MYO16: variants seen among roughly 807,000 people sequenced by gnomAD.
MYO16 encodes the protein unconventional myosin-XVI.
A neutral mutation model predicts 205.3 loss-of-function variants in MYO16; 94 were observed. The ratio of observed to expected loss-of-function variants is 0.46; its 90% CI spans 0.39 to 0.54. MYO16 has a LOEUF of 0.54. Ranked by LOEUF, MYO16 falls within the 20% of genes least tolerant of loss-of-function variation. The pLI is 0.00. For missense variants in MYO16, 2,315 were observed against 2,387.5 expected, an observed-to-expected ratio of 0.97 and a Z score of 0.63; for synonymous variants, 988 against 954.0, an observed-to-expected ratio of 1.04 and a Z score of -0.66.
chr13:108,548,575 AATG>A, the MYO16 span, among the ~76,000 whole-genome samples: 4 of 119,044 alleles, frequency 3.4e-5, no homozygotes, highest in African/African-American at 9.8e-5. Context: ...GGAGGATAAT[AATG>A]ATGGTGGTGG....
chr13:109,120,818 G>T (rs1432750868), intron 29 of MYO16, among the ~76,000 whole-genome samples: 1 of 152,136 alleles, frequency 6.6e-6, no homozygotes, highest in African/African-American at 2.4e-5. Context: ...AGGAGGCTGA[G>T]GCAGGAGGAT....
rs5806760 is a variant in MYO16, at chr13:108,853,954, TTGTGTGTG to T, written c.1249-1463_1249-1456del. On this transcript the variant is annotated intron_variant, in intron 10 of 34. Coordinates refer to ENST00000457511, the MANE Select transcript of MYO16 (RefSeq NM_001198950.3). ...CACTACTCAATTTGTGTTTCTATTATTGTGTGTGTGTGTGTGTGTGTGTGTGTGTGTGT... is the reference window on the plus strand; with the variant it reads ...CACTACTCAATTTGTGTTTCTATTATTGTGTGTGTGTGTGTGTGTGTGTGT... Among the ~76,000 whole-genome samples the T allele has an allele frequency of 6.4e-3, 883 of 138,588 alleles. 12 individuals carry two copies. Among genetic ancestry groups the T allele is most frequent in the African/African-American group, 0.022 (823 of 37,494 alleles). The allele number at this position is 138,588 out of a possible 152,430, so 90.9% of individuals were successfully genotyped here.
intron 4 of MYO16, among the ~76,000 whole-genome samples, chr13:108,782,648 G>A (rs1172157057): frequency 1.3e-5 from 2 of 152,104 alleles, no homozygotes; most frequent in Admixed American, 6.5e-5. Flanking sequence ...CCCATCACAG[G>A]CCCAGAGGCC....
intron 32 of MYO16, among the ~76,000 whole-genome samples, chr13:109,158,890 G>A (rs1295991414): frequency 1.3e-5 from 2 of 152,140 alleles, no homozygotes; most frequent in African/African-American, 4.8e-5. Context: ...AGAGGCCTGG[G>A]GAAGATAGGG....
chr13:109,206,965 A>G lies in MYO16; in HGVS notation c.*129A>G. 1 of 719,076 alleles carries G rather than the reference A, an allele frequency of 1.4e-6. No homozygotes were observed. Among genetic ancestry groups the G allele is most frequent in the Non-Finnish European group, 2.3e-6 (1 of 433,836 alleles). 44.5% of individuals were successfully genotyped at this position (719,076 alleles called of 1,614,324 possible). A position where few individuals can be genotyped will look rare whatever the true frequency, so the allele number is the denominator to read the frequency against. On this transcript the variant is annotated 3_prime_UTR_variant, in exon 35 of 35. Coordinates refer to ENST00000457511, the MANE Select transcript of MYO16 (RefSeq NM_001198950.3). The stretch of plus-strand genomic sequence containing the variant: ...TTTAGACAAAAAAAGCACAGGACAC[A>G]GACACTAAATATATGAGATCCCGTG...
At chr13:108,620,640 G>T (rs1335974588) in intron 1 of MYO16, among the ~76,000 whole-genome samples, 1 of 152,184 alleles carries the variant, frequency 6.6e-6, no homozygotes, top group African/African-American at 2.4e-5. Flanking sequence ...AGGAAGCAGA[G>T]ATAGGGATGG....
chr13:108,989,214 C>A (rs1392281771), intron 20 of MYO16, among the ~76,000 whole-genome samples: 1 of 152,068 alleles, frequency 6.6e-6, no homozygotes, highest in Non-Finnish European at 1.5e-5. Context: ...TGACATAGTT[C>A]AAATTATACT....
chr13:108,655,292 G>A (rs955767971), intron 1 of MYO16, among the ~76,000 whole-genome samples: 9 of 152,222 alleles, frequency 5.9e-5, no homozygotes, highest in African/African-American at 2.2e-4. Context: ...ATTGCTAAAA[G>A]GGGCCAAGGT....
intron 2 of MYO16, among the ~76,000 whole-genome samples, chr13:108,692,929 A>G (rs1228741642): frequency 1.3e-5 from 2 of 152,126 alleles, no homozygotes; most frequent in Admixed American, 6.6e-5. Flanking sequence ...CAGAAACCAT[A>G]ACAATGAACT....
intron 16 of MYO16, among the ~76,000 whole-genome samples, chr13:108,931,427 A>G (rs1285070223): frequency 6.6e-6 from 1 of 152,116 alleles, no homozygotes; most frequent in Non-Finnish European, 1.5e-5. Context: ...AAACATTCTC[A>G]TTCTGAAAAC....
intron 23 of MYO16, among the ~76,000 whole-genome samples, chr13:109,022,697 T>C (rs1274201437): frequency 3.1e-5 from 4 of 128,970 alleles, no homozygotes; most frequent in African/African-American, 1.1e-4. Context: ...CATGTATATA[T>C]TTATATATTA....
intron 11 of MYO16, among the ~76,000 whole-genome samples, chr13:108,858,943 GGCTTTGCCTGA>G (rs772052028): frequency 6.6e-6 from 1 of 152,086 alleles, no homozygotes; most frequent in Non-Finnish European, 1.5e-5. Flanking sequence ...TTCGGTGCAG[GGCTTTGCCTGA>G]GTAATTTGAC....
chr13:108,846,157 T>C (rs564448560), intron 10 of MYO16, among the ~76,000 whole-genome samples: 31 of 152,216 alleles, frequency 2.0e-4, no homozygotes, highest in Non-Finnish European at 3.7e-4. Context: ...GAAAAATGAC[T>C]ATTAATTAAC....
At chr13:108,510,421 G>A in the MYO16 span, among the ~76,000 whole-genome samples, 2 of 24,712 alleles carry the variant, frequency 8.1e-5, no homozygotes, top group African/African-American at 3.7e-4. Flanking sequence ...CCGGTAGATA[G>A]TTAATTTTTT....
At chr13:108,682,629 A>T (rs1882508968) in intron 2 of MYO16, among the ~76,000 whole-genome samples, 1 of 152,226 alleles carries the variant, frequency 6.6e-6, no homozygotes, top group Non-Finnish European at 1.5e-5. Context: ...TTAAGGAACC[A>T]GTCCAGGGAG....
At chr13:109,139,956 G>C (rs1039853997) in intron 31 of MYO16, among the ~76,000 whole-genome samples, 6 of 151,980 alleles carry the variant, frequency 3.9e-5, no homozygotes, top group African/African-American at 1.5e-4. Flanking sequence ...CTAGGCAAGG[G>C]GGGTGGGTGG....
At chr13:108,716,609 A>T (rs149354271) in intron 3 of MYO16, among the ~76,000 whole-genome samples, 1 of 152,218 alleles carries the variant, frequency 6.6e-6, no homozygotes, top group Non-Finnish European at 1.5e-5. Context: ...AAGGCAATGT[A>T]GCCATCTAAA....
Position 108,888,563 on chromosome 13 carries a change from TAG to T in MYO16, c.1659+88_1659+89del. On this transcript the variant is annotated intron_variant, in intron 14 of 34. Transcript: ENST00000457511. ...ACAAATAGGGGAGGGGACATCATAA[TAG>T]ATACAAGGGGGTTCAAAATTTGTGG... The T allele has an allele frequency of 9.0e-6, 8 of 885,198 alleles. No individual in the cohort carries two copies. The South Asian group carries it at 1.3e-4, about 14-fold the overall frequency. The allele number at this position is 885,198 out of a possible 1,614,324, so 54.8% of individuals were successfully genotyped here.
intron 20 of MYO16, among the ~76,000 whole-genome samples, chr13:108,976,098 A>G (rs983679709): frequency 6.6e-6 from 1 of 152,214 alleles, no homozygotes; most frequent in Non-Finnish European, 1.5e-5. Flanking sequence ...GGTAGACTAG[A>G]TGATAGAAAA....
Sources: gnomAD v4.1 joint callset for allele counts (sites outside exome capture counted in the v4.1 genomes callset) on GRCh38, gnomAD v4.1.1 for gene constraint, MANE v1.5 for transcripts, NCBI Gene and HGNC (gene_info 2026-07-23, HGNC 2026-07-21) for gene names.